The following RASAL2 variants were observed in gnomAD, a reference collection of about 807,000 sequenced individuals.
RASAL2 encodes the protein RAS protein activator like 2.
A neutral mutation model predicts 128.9 loss-of-function variants in RASAL2; 58 were observed. That is an observed-to-expected ratio of 0.45 (90% CI 0.36 to 0.56). The LOEUF is 0.56. Ranked by LOEUF, RASAL2 falls within the 20% of genes least tolerant of loss-of-function variation. The probability of loss-of-function intolerance (pLI) is 0.00; values close to 1 mark genes in which losing one functional copy is unlikely to be tolerated. For synonymous variants in RASAL2, 561 were observed against 580.8 expected (o/e 0.97, Z 0.49); for missense variants, 1,360 against 1,601.6 (o/e 0.85, Z 2.57).
intron 1 of RASAL2, among the ~76,000 whole-genome samples, chr1:178,234,778 G>A (rs1033893663): frequency 6.6e-6 from 1 of 152,048 alleles, no homozygotes; most frequent in Admixed American, 6.5e-5. Flanking sequence ...GAGATTGAAC[G>A]TATCATCAAA....
At chr1:178,467,214 A>C in intron 16 of RASAL2, 120 bp from the exon 17 acceptor site, 1 of 746,006 alleles carries the variant, frequency 1.3e-6, no homozygotes, top group South Asian at 1.7e-5. Context: ...GTAGAGAAGA[A>C]AGAAAAGATG....
intron 1 of RASAL2, among the ~76,000 whole-genome samples, chr1:178,108,388 G>T (rs1659177863): frequency 6.6e-6 from 1 of 152,162 alleles, no homozygotes; most frequent in Non-Finnish European, 1.5e-5. Context: ...TCATGAGCAT[G>T]ATGATAATGA....
chr1:178,401,205 C>T (rs1350805069), intron 4 of RASAL2, among the ~76,000 whole-genome samples: 4 of 152,196 alleles, frequency 2.6e-5, no homozygotes, highest in Admixed American at 6.5e-5. Flanking sequence ...AAAGTATGCA[C>T]GTTGCAAAGA....
intron 3 of RASAL2, among the ~76,000 whole-genome samples, chr1:178,354,639 C>G (rs573862096): frequency 1.3e-5 from 2 of 152,232 alleles, no homozygotes; most frequent in African/African-American, 4.8e-5. Context: ...ATAACAAGAT[C>G]CATAAACAAA....
At chr1:178,468,169 C>A (rs1182541312) in intron 17 of RASAL2, among the ~76,000 whole-genome samples, 1 of 152,118 alleles carries the variant, frequency 6.6e-6, no homozygotes, top group African/African-American at 2.4e-5. Flanking sequence ...TTTATCATTG[C>A]AAAATATGGT....
At chr1:178,463,395 G>C (rs1647313775) in intron 14 of RASAL2, among the ~76,000 whole-genome samples, 1 of 152,132 alleles carries the variant, frequency 6.6e-6, no homozygotes, top group African/African-American at 2.4e-5. Flanking sequence ...ATATTGTAAT[G>C]ACTGACACCT....
chr1:178,164,953 T>G (rs1661471022), intron 1 of RASAL2, among the ~76,000 whole-genome samples: 1 of 150,752 alleles, frequency 6.6e-6, no homozygotes, highest in South Asian at 2.1e-4. Context: ...AAAGAAAACT[T>G]TATAACACTA....
rs983148224 is a variant in RASAL2, at chr1:178,114,468, C to T, written c.202+19774C>T. On this transcript the variant is annotated intron_variant, in intron 1 of 17. Transcript: ENST00000367649. ...CATTTCCTGTATCTATGGAGAAGACCGTATGGTTTTTCTTTTTTGTTCATT... is the reference window on the plus strand; with the variant it reads ...CATTTCCTGTATCTATGGAGAAGACTGTATGGTTTTTCTTTTTTGTTCATT... 7.3e-5 allele frequency among the ~76,000 whole-genome samples: 11 copies of T among 150,880 alleles called. No individual in the cohort carries two copies. In the South Asian group the frequency reaches 1.9e-3, roughly 26 times the overall value.
chr1:178,291,437 A>G (rs1333543315), intron 2 of RASAL2, among the ~76,000 whole-genome samples: 1 of 152,230 alleles, frequency 6.6e-6, no homozygotes, highest in African/African-American at 2.4e-5. Context: ...TTAGAAGCAA[A>G]TAGATGAGTT....
intron 3 of RASAL2, among the ~76,000 whole-genome samples, chr1:178,343,618 A>T (rs1669994353): frequency 6.6e-6 from 1 of 152,170 alleles, no homozygotes; most frequent in Non-Finnish European, 1.5e-5. Flanking sequence ...AGAAGTCATT[A>T]ATCTATTGCT....
At chr1:178,130,721 A>C (rs1404360253) in intron 1 of RASAL2, among the ~76,000 whole-genome samples, 1 of 152,112 alleles carries the variant, frequency 6.6e-6, no homozygotes, top group African/African-American at 2.4e-5. Flanking sequence ...GATGTAATCA[A>C]ATATTAATCT....
chr1:178,415,264 T>G (rs1674681949), intron 4 of RASAL2, among the ~76,000 whole-genome samples: 1 of 152,150 alleles, frequency 6.6e-6, no homozygotes, highest in African/African-American at 2.4e-5. Context: ...TGCTATGTTT[T>G]CATTTTTATT....
intron 1 of RASAL2, among the ~76,000 whole-genome samples, chr1:178,241,203 T>C (rs1558134834): frequency 6.6e-6 from 1 of 152,110 alleles, no homozygotes; most frequent in Non-Finnish European, 1.5e-5. Context: ...GTATTATTGA[T>C]GTGATTCATA....
chr1:178,255,464 G>C (rs1450186667), intron 1 of RASAL2, among the ~76,000 whole-genome samples: 1 of 152,032 alleles, frequency 6.6e-6, no homozygotes, highest in Non-Finnish European at 1.5e-5. Flanking sequence ...GAATAAAGCT[G>C]TATTGGACTA....
intron 2 of RASAL2, among the ~76,000 whole-genome samples, chr1:178,289,363 A>G (rs961267615): frequency 5.9e-5 from 9 of 152,198 alleles, no homozygotes; most frequent in African/African-American, 1.7e-4. Context: ...AAATCTTAAC[A>G]TGGAAGCGCC....
chr1:178,234,689 G>C (rs976486104), intron 1 of RASAL2, among the ~76,000 whole-genome samples: 7 of 152,038 alleles, frequency 4.6e-5, no homozygotes, highest in African/African-American at 1.7e-4. Context: ...CTGGAAGCTT[G>C]GTAGTATCTT....
chr1:178,274,397 A>T (rs1666400794), intron 1 of RASAL2, among the ~76,000 whole-genome samples: 1 of 152,140 alleles, frequency 6.6e-6, no homozygotes, highest in African/African-American at 2.4e-5. Flanking sequence ...AGAATATATT[A>T]ATATAGGGAG....
At chr1:178,309,530 A>G (rs994404511) in intron 3 of RASAL2, among the ~76,000 whole-genome samples, 1 of 152,148 alleles carries the variant, frequency 6.6e-6, no homozygotes, top group Non-Finnish European at 1.5e-5. Context: ...GAGTGACTAT[A>G]TATTTATTCT....
intron 1 of RASAL2, among the ~76,000 whole-genome samples, chr1:178,241,651 C>G (rs747647758): frequency 1.3e-5 from 2 of 152,176 alleles, no homozygotes; most frequent in Non-Finnish European, 2.9e-5. Context: ...TCACCTTCCT[C>G]TCTCAGAAAT....
Sources: allele counts gnomAD v4.1 joint callset (sites outside exome capture counted in the v4.1 genomes callset), GRCh38; gene constraint gnomAD v4.1.1; transcripts MANE v1.5; gene names NCBI Gene and HGNC (gene_info 2026-07-23, HGNC 2026-07-21).